DLGAP1: variants seen among roughly 807,000 people sequenced by gnomAD.
DLGAP1 encodes the protein disks large-associated protein 1.
DLGAP1 carries 11 observed loss-of-function variants against 90.8 expected under a neutral mutation model. That is an observed-to-expected ratio of 0.12 (90% confidence interval 0.08 to 0.20). The LOEUF is 0.20. Among genes scored for constraint, DLGAP1 ranks in the 10% least tolerant of loss-of-function variants. The pLI is 1.00. For synonymous variants in DLGAP1, 558 were observed against 540.7 expected (o/e 1.03, Z -0.44); for missense variants, 1,050 against 1,333.8 (o/e 0.79, Z 3.31).
At chr18:3,715,142 TCAAA>T (rs1268387949) in intron 7 of DLGAP1, among the ~76,000 whole-genome samples, 2 of 152,182 alleles carry the variant, frequency 1.3e-5, no homozygotes, top group South Asian at 2.1e-4. Context: ...CCACATTCCC[TCAAA>T]CAGAGAGTTC....
At chr18:4,075,700 C>T (rs1162012076) in intron 2 of DLGAP1, among the ~76,000 whole-genome samples, 1 of 152,098 alleles carries the variant, frequency 6.6e-6, no homozygotes, top group Non-Finnish European at 1.5e-5. Context: ...ATTTAATTAT[C>T]TAGAGCGTAA....
chr18:4,289,014 G>A (rs2079779247), intron 1 of DLGAP1, among the ~76,000 whole-genome samples: 1 of 152,130 alleles, frequency 6.6e-6, no homozygotes, highest in South Asian at 2.1e-4. Context: ...ATTGTGTGAA[G>A]TGTCTGGACA....
At chr18:3,647,557 T>C (rs2059164193) in intron 7 of DLGAP1, among the ~76,000 whole-genome samples, 2 of 151,722 alleles carry the variant, frequency 1.3e-5, no homozygotes, top group South Asian at 2.1e-4. Context: ...CCTCCGCTTC[T>C]GGGGTTCAAG....
At chr18:3,707,743 C>T (rs1186807020) in intron 7 of DLGAP1, among the ~76,000 whole-genome samples, 2 of 152,094 alleles carry the variant, frequency 1.3e-5, no homozygotes, top group Non-Finnish European at 2.9e-5. Flanking sequence ...AGGTAGAAAT[C>T]AGTTTCTATG....
chr18:4,241,285 C>T (rs774039875), intron 1 of DLGAP1, among the ~76,000 whole-genome samples: 4 of 152,254 alleles, frequency 2.6e-5, no homozygotes, highest in Admixed American at 6.5e-5. Context: ...GTTCTTGATT[C>T]GGTAAGTCTG....
intron 2 of DLGAP1, among the ~76,000 whole-genome samples, chr18:4,092,800 T>G (rs2075790568): frequency 6.6e-6 from 1 of 152,134 alleles, no homozygotes; most frequent in Admixed American, 6.5e-5. Context: ...GGGCACCCAG[T>G]AAAGGTCTGT....
At chr18:3,574,837 C>T (rs912566635) in intron 8 of DLGAP1, among the ~76,000 whole-genome samples, 21 of 133,704 alleles carry the variant, frequency 1.6e-4, no homozygotes, top group African/African-American at 4.1e-4. Context: ...TATTTTGAGA[C>T]AGAGTCTGGC....
In DLGAP1 at chr18:3,870,352, C is replaced by T. The variant is rs528875273; in HGVS notation, c.957+8760G>A. ...TGATATTATTGTGCCCATATGTACCCGTATTGATTCCACTTTACAATATTT... is the reference window on the plus strand; with the variant it reads ...TGATATTATTGTGCCCATATGTACCTGTATTGATTCCACTTTACAATATTT... On this transcript the variant is annotated intron_variant, in intron 4 of 12. Coordinates refer to ENST00000315677, the MANE Select transcript of DLGAP1 (RefSeq NM_004746.4). Among the ~76,000 whole-genome samples the T allele has an allele frequency of 3.9e-5, 6 of 152,220 alleles. No individual in the cohort carries two copies. The East Asian group carries it at 5.8e-4, about 15-fold the overall frequency.
At chr18:3,585,014 A>G (rs1348644112) in intron 7 of DLGAP1, among the ~76,000 whole-genome samples, 2 of 152,106 alleles carry the variant, frequency 1.3e-5, no homozygotes, top group Non-Finnish European at 2.9e-5. Context: ...TGGCCTCTCA[A>G]AGTGCTGGGA....
intron 5 of DLGAP1, among the ~76,000 whole-genome samples, chr18:3,777,766 G>A (rs9965458): frequency 0.024 from 3,644 of 152,236 alleles, 130 homozygotes; most frequent in African/African-American, 0.077. Context: ...GCATTTTGAT[G>A]TTCAATACTG....
Position 3,742,503 on chromosome 18 carries a change from A to G in DLGAP1, c.1182T>C (p.Asn394=). 1 of 1,614,130 alleles carries G rather than the reference A, an allele frequency of 6.2e-7. No homozygotes were observed. Among genetic ancestry groups the G allele is most frequent in the Non-Finnish European group, 8.5e-7 (1 of 1,180,016 alleles). ...LTELTTLKIS[N]EHSPKLQIRS... ...GGATCTGGAGTTTGGGTGAGTGTTC[A>G]TTGGAGATTCTGGAAGGGAACAATG... is the stretch of plus-strand genomic sequence containing the variant. The change falls in exon 6 of 13, where the codon AAT becomes AAC. Residue 394 remains asparagine, a synonymous_variant. Coordinates refer to ENST00000315677, the MANE Select transcript of DLGAP1 (RefSeq NM_004746.4).
intron 4 of DLGAP1, among the ~76,000 whole-genome samples, chr18:3,832,861 G>GTC (rs980628631): frequency 6.6e-6 from 1 of 151,542 alleles, no homozygotes; most frequent in South Asian, 2.1e-4. Flanking sequence ...CAGCTTAGGT[G>GTC]CCCCCCCCAT....
intron 1 of DLGAP1, among the ~76,000 whole-genome samples, chr18:4,353,595 G>C (rs1183218997): frequency 6.6e-6 from 1 of 152,016 alleles, no homozygotes; most frequent in Non-Finnish European, 1.5e-5. Context: ...ATTTGGCTTA[G>C]AGAAAACTTT....
chr18:4,303,987 A>C (rs1415498339), intron 1 of DLGAP1, among the ~76,000 whole-genome samples: 2 of 152,262 alleles, frequency 1.3e-5, no homozygotes, highest in African/African-American at 2.4e-5. Context: ...ATTCCTAAGC[A>C]AAATTATAAA....
chr18:3,798,650 GTTGT>G (rs1301365563), intron 5 of DLGAP1, among the ~76,000 whole-genome samples: 1 of 152,074 alleles, frequency 6.6e-6, no homozygotes, highest in African/African-American at 2.4e-5. Flanking sequence ...TCCCTCTAAG[GTTGT>G]TTATTTATTT....
chr18:4,440,115 G>A (rs190291902), intron 1 of DLGAP1, among the ~76,000 whole-genome samples: 897 of 81,332 alleles, frequency 0.011, 10 homozygotes, highest in East Asian at 0.04. Flanking sequence ...GTGAGACTCC[G>A]TCACCAAAAA....
chr18:3,728,902 C>A (rs977647158), intron 7 of DLGAP1, among the ~76,000 whole-genome samples: 1 of 152,084 alleles, frequency 6.6e-6, no homozygotes, highest in Non-Finnish European at 1.5e-5. Context: ...CTCATGGTGC[C>A]GTTGTTGCAG....
At chr18:3,543,166 A>ATTTTTTTTTTTTTTTTTTTTTTTTTTT (rs76751283) in intron 9 of DLGAP1, among the ~76,000 whole-genome samples, 1 of 64,126 alleles carries the variant, frequency 1.6e-5, no homozygotes. Flanking sequence ...CATGACTCCA[A>ATTTTTTTTTTTTTTTTTTTTTTTTTTT]TTTTTTTTTT....
intron 7 of DLGAP1, among the ~76,000 whole-genome samples, chr18:3,710,205 A>G (rs2061557178): frequency 6.6e-6 from 1 of 152,176 alleles, no homozygotes; most frequent in African/African-American, 2.4e-5. Flanking sequence ...ACCAAAACGG[A>G]ACACTTCTCA....
Sources: allele counts gnomAD v4.1 joint callset (sites outside exome capture counted in the v4.1 genomes callset), GRCh38; gene constraint gnomAD v4.1.1; transcripts MANE v1.5; gene names NCBI Gene and HGNC (gene_info 2026-07-23, HGNC 2026-07-21).